The following GPC5 variants were observed in gnomAD, a reference collection of about 807,000 sequenced individuals.
GPC5 encodes glypican 5.
GPC5 carries 47 observed loss-of-function variants against 53.9 expected under a neutral mutation model. The ratio of observed to expected loss-of-function variants is 0.87; its 90% CI spans 0.69 to 1.11. The LOEUF (loss-of-function observed/expected upper bound fraction) is 1.11. Among genes scored for constraint, GPC5 ranks in the 50% most tolerant of loss-of-function variants. The probability of loss-of-function intolerance (pLI) is 0.00; values close to 1 mark genes in which losing one functional copy is unlikely to be tolerated. For missense variants in GPC5, 748 were observed against 713.1 expected, an observed-to-expected ratio of 1.05 and a Z score of -0.56; for synonymous variants, 286 against 263.3, an observed-to-expected ratio of 1.09 and a Z score of -0.84.
chr13:91,879,270 GT>G (rs1461210841), intron 5 of GPC5, among the ~76,000 whole-genome samples: 1 of 152,150 alleles, frequency 6.6e-6, no homozygotes, highest in African/African-American at 2.4e-5. Flanking sequence ...GAACTAAATA[GT>G]AAAAGTGTGC....
At chr13:91,639,911 A>C (rs2034380842) in intron 2 of GPC5, among the ~76,000 whole-genome samples, 1 of 152,188 alleles carries the variant, frequency 6.6e-6, no homozygotes. Flanking sequence ...TATAAAGTAA[A>C]ATACAAGGCA....
At chr13:92,167,155 T>A (rs957544303) in intron 7 of GPC5, among the ~76,000 whole-genome samples, 2 of 152,166 alleles carry the variant, frequency 1.3e-5, no homozygotes, top group African/African-American at 4.8e-5. Context: ...GACCCTAAAA[T>A]ATTGATTATT....
At position 92,722,228 on chromosome 13, in the gene GPC5, G is replaced by A. The variant is rs528008204; in HGVS notation, c.1562-144054G>A. Reference sequence around the variant, plus strand: ...AAACAAATATGATTATAAAGTGCATGTAGTTTGTGTATGGTTTTAAAGGGA... The same window carrying A: ...AAACAAATATGATTATAAAGTGCATATAGTTTGTGTATGGTTTTAAAGGGA... On this transcript the variant is annotated intron_variant, in intron 7 of 7. Coordinates refer to ENST00000377067, the MANE Select transcript of GPC5 (RefSeq NM_004466.6). Among the ~76,000 whole-genome samples the A allele has an allele frequency of 6.1e-4, 93 of 151,960 alleles. 1 individual carries two copies. The highest frequency in any genetic ancestry group is 3.7e-3 in the Admixed American group (56 of 15,192).
At chr13:92,158,911 C>T (rs1566461458) in intron 7 of GPC5, among the ~76,000 whole-genome samples, 1 of 152,116 alleles carries the variant, frequency 6.6e-6, no homozygotes, top group Non-Finnish European at 1.5e-5. Flanking sequence ...TTCAGACAAC[C>T]AATTTCAATT....
chr13:92,154,195 C>T (rs957316720), intron 7 of GPC5, among the ~76,000 whole-genome samples: 3 of 152,066 alleles, frequency 2.0e-5, no homozygotes, highest in Non-Finnish European at 4.4e-5. Flanking sequence ...CTCATGCATT[C>T]AGAGCTAGAA....
intron 7 of GPC5, among the ~76,000 whole-genome samples, chr13:92,646,775 G>A (rs1355183483): frequency 6.7e-6 from 1 of 150,262 alleles, no homozygotes. Flanking sequence ...TAATGTTTTT[G>A]ATGTATTGCA....
chr13:91,596,859 C>T (rs1172068745), intron 2 of GPC5, among the ~76,000 whole-genome samples: 3 of 152,074 alleles, frequency 2.0e-5, no homozygotes, highest in East Asian at 1.9e-4. Context: ...ATTTTCCGTG[C>T]CTTTCCTAGT....
At chr13:92,695,215 T>C (rs1887522717) in intron 7 of GPC5, among the ~76,000 whole-genome samples, 1 of 152,214 alleles carries the variant, frequency 6.6e-6, no homozygotes, top group South Asian at 2.1e-4. Context: ...TGGCCACTTG[T>C]ATGTCTTCTT....
intron 7 of GPC5, among the ~76,000 whole-genome samples, chr13:92,693,832 A>G (rs531878602): frequency 1.3e-5 from 2 of 152,210 alleles, no homozygotes; most frequent in Non-Finnish European, 2.9e-5. Flanking sequence ...GCCAAATGTT[A>G]ATAGCCAAGA....
At chr13:91,404,258 A>G (rs944285619) in intron 1 of GPC5, among the ~76,000 whole-genome samples, 1 of 152,224 alleles carries the variant, frequency 6.6e-6, no homozygotes, top group Non-Finnish European at 1.5e-5. Context: ...CATTCTAGCT[A>G]GGTGCCTCAA....
At chr13:92,053,321 G>C (rs1173349564) in intron 6 of GPC5, among the ~76,000 whole-genome samples, 1 of 152,156 alleles carries the variant, frequency 6.6e-6, no homozygotes, top group Non-Finnish European at 1.5e-5. Context: ...CGACGTCAAA[G>C]TTGACCTCTC....
chr13:92,798,671 C>G (rs574627193), intron 7 of GPC5, among the ~76,000 whole-genome samples: 1 of 151,804 alleles, frequency 6.6e-6, no homozygotes, highest in Non-Finnish European at 1.5e-5. Context: ...GTATGATTCT[C>G]TTGCTGTTAT....
intron 5 of GPC5, among the ~76,000 whole-genome samples, chr13:91,794,051 T>C (rs143628281): frequency 1.1e-3 from 173 of 152,336 alleles, no homozygotes; most frequent in African/African-American, 4.0e-3. Context: ...GTATCTATTG[T>C]ATTCCAGTGT....
chr13:92,524,057 G>T (rs575012563), intron 7 of GPC5, among the ~76,000 whole-genome samples: 6 of 152,064 alleles, frequency 3.9e-5, no homozygotes, highest in African/African-American at 1.4e-4. Context: ...TGCTAATTGG[G>T]GTTGCTGTAA....
chr13:92,500,480 C>G (rs998142344), intron 7 of GPC5, among the ~76,000 whole-genome samples: 1 of 152,190 alleles, frequency 6.6e-6, no homozygotes, highest in Non-Finnish European at 1.5e-5. Context: ...CAAGAGTAAA[C>G]AAGCGATTTA....
intron 7 of GPC5, among the ~76,000 whole-genome samples, chr13:92,507,969 A>C (rs2138946569): frequency 6.6e-6 from 1 of 152,174 alleles, no homozygotes. Flanking sequence ...TAATTAATTT[A>C]GTTTTTTGTT....
At chr13:92,535,898 T>C (rs1469014420) in intron 7 of GPC5, among the ~76,000 whole-genome samples, 3 of 152,158 alleles carry the variant, frequency 2.0e-5, no homozygotes, top group African/African-American at 7.2e-5. Flanking sequence ...AGTGTGAGCA[T>C]TGATAATCAT....
At chr13:91,582,258 A>C (rs2032391681) in intron 2 of GPC5, among the ~76,000 whole-genome samples, 1 of 152,202 alleles carries the variant, frequency 6.6e-6, no homozygotes, top group Non-Finnish European at 1.5e-5. Context: ...GAACAATCTC[A>C]GTTCCTGATT....
At chr13:92,643,684 A>G (rs1056231709) in intron 7 of GPC5, among the ~76,000 whole-genome samples, 1 of 146,698 alleles carries the variant, frequency 6.8e-6, no homozygotes, top group African/African-American at 2.5e-5. Flanking sequence ...CAATGAGATC[A>G]CATGGACACA....
Sources: allele counts gnomAD v4.1 joint callset (sites outside exome capture counted in the v4.1 genomes callset), GRCh38; gene constraint gnomAD v4.1.1; transcripts MANE v1.5; gene names NCBI Gene and HGNC (gene_info 2026-07-23, HGNC 2026-07-21).